Variants in CSMD1 observed in about 807,000 individuals in gnomAD.
CSMD1 encodes the protein CUB and sushi domain-containing protein 1.
CSMD1 carries 213 observed loss-of-function variants against 417.5 expected under a neutral mutation model. That is an observed-to-expected ratio of 0.51 (90% CI 0.46 to 0.57). CSMD1 has a LOEUF of 0.57. CSMD1 is among the 20% of genes least tolerant of loss of function. The probability of loss-of-function intolerance (pLI) is 0.00; values close to 1 mark genes in which losing one functional copy is unlikely to be tolerated. For missense variants in CSMD1, 6,923 were observed against 4,529.7 expected, an observed-to-expected ratio of 1.53 and a Z score of -15.17; for synonymous variants, 2,862 against 1,736.8, an observed-to-expected ratio of 1.65 and a Z score of -16.11.
At chr8:4,296,639 T>TAA in intron 3 of CSMD1, among the ~76,000 whole-genome samples, 1 of 151,128 alleles carries the variant, frequency 6.6e-6, no homozygotes, top group East Asian at 1.9e-4. Flanking sequence ...TAATATTCAC[T>TAA]ATTAACTCGT....
intron 1 of CSMD1, among the ~76,000 whole-genome samples, chr8:4,932,936 G>A (rs1301407628): frequency 1.3e-5 from 2 of 152,058 alleles, no homozygotes; most frequent in Non-Finnish European, 2.9e-5. Context: ...ATTATTATAG[G>A]TACATAACAT....
intron 3 of CSMD1, among the ~76,000 whole-genome samples, chr8:4,305,784 A>G (rs1563423896): frequency 2.0e-5 from 3 of 152,168 alleles, no homozygotes; most frequent in East Asian, 3.9e-4. Flanking sequence ...TCACTTCACA[A>G]AAGTGATTTG....
At chr8:3,548,767 C>A (rs1382092087) in intron 10 of CSMD1, among the ~76,000 whole-genome samples, 1 of 151,506 alleles carries the variant, frequency 6.6e-6, no homozygotes, top group Non-Finnish European at 1.5e-5. Context: ...TAAGCCCGGC[C>A]AAGTTGTTTT....
intron 3 of CSMD1, among the ~76,000 whole-genome samples, chr8:4,249,578 T>G (rs192133472): frequency 6.6e-6 from 1 of 152,274 alleles, no homozygotes; most frequent in Admixed American, 6.5e-5. Context: ...CATCTTAGCT[T>G]GAAGCTGTGT....
At chr8:3,045,452 C>T (rs1437852344) in intron 50 of CSMD1, among the ~76,000 whole-genome samples, 2 of 152,136 alleles carry the variant, frequency 1.3e-5, no homozygotes, top group Non-Finnish European at 1.5e-5. Flanking sequence ...TACATAGGCA[C>T]AAAACCGTTC....
chr8:4,113,191 T>C (rs964474913), intron 3 of CSMD1, among the ~76,000 whole-genome samples: 2 of 152,036 alleles, frequency 1.3e-5, no homozygotes, highest in Admixed American at 6.6e-5. Context: ...CACAACAATA[T>C]TGAAATTCGG....
In CSMD1 at chr8:4,855,721, A is replaced by C. The variant is rs558767114; in HGVS notation, c.85+138611T>G. Among the ~76,000 whole-genome samples, 29 of 152,144 alleles carry C rather than the reference A, an allele frequency of 1.9e-4. No individual in the cohort carries two copies. In the East Asian group the frequency reaches 5.2e-3, roughly 27 times the overall value. On this transcript the variant is annotated intron_variant, in intron 1 of 69. Transcript: ENST00000635120. Reference sequence around the variant, plus strand: ...AGAAGGGAAGTCTAGAGAAAAAAGAATAAAAAGAAATGAGCAAAGCCTCCA... The same window carrying C: ...AGAAGGGAAGTCTAGAGAAAAAAGACTAAAAAGAAATGAGCAAAGCCTCCA...
At chr8:4,667,342 C>T (rs145102076) in intron 1 of CSMD1, among the ~76,000 whole-genome samples, 43 of 151,994 alleles carry the variant, frequency 2.8e-4, no homozygotes, top group Non-Finnish European at 5.9e-4. Flanking sequence ...TCTAGATTCT[C>T]TGCTTTTCTG....
At chr8:3,231,485 G>A (rs574959851) in intron 26 of CSMD1, among the ~76,000 whole-genome samples, 15 of 152,198 alleles carry the variant, frequency 9.9e-5, no homozygotes, top group African/African-American at 3.6e-4. Flanking sequence ...AAATTCTGAA[G>A]CATTTGTGTG....
intron 8 of CSMD1, among the ~76,000 whole-genome samples, chr8:3,599,571 C>G (rs557952640): frequency 2.0e-5 from 3 of 152,226 alleles, no homozygotes; most frequent in Admixed American, 2.0e-4. Flanking sequence ...AACCACAACA[C>G]TGCATTATTA....
intron 41 of CSMD1, chr8:3,127,874 G>C (rs1400346662): frequency 1.4e-5 from 2 of 144,730 alleles, no homozygotes; most frequent in African/African-American, 2.7e-5. Flanking sequence ...GGGAGGGAAG[G>C]AATGAGAGGG....
chr8:3,555,464 G>T (rs1799103910), intron 10 of CSMD1, among the ~76,000 whole-genome samples: 1 of 152,160 alleles, frequency 6.6e-6, no homozygotes, highest in African/African-American at 2.4e-5. Context: ...CAGGTCAGAA[G>T]GTGGAGGTGA....
At chr8:3,899,754 T>C (rs1446749193) in intron 5 of CSMD1, among the ~76,000 whole-genome samples, 1 of 152,148 alleles carries the variant, frequency 6.6e-6, no homozygotes, top group Non-Finnish European at 1.5e-5. Flanking sequence ...AAGGGCTGTA[T>C]GACCAGCTTT....
At chr8:3,678,001 G>T (rs893457231) in intron 7 of CSMD1, among the ~76,000 whole-genome samples, 1 of 152,112 alleles carries the variant, frequency 6.6e-6, no homozygotes, top group Admixed American at 6.6e-5. Flanking sequence ...TCCATCTGGG[G>T]TGTCTGCCTA....
intron 1 of CSMD1, among the ~76,000 whole-genome samples, chr8:4,862,872 A>C (rs1013773757): frequency 1.3e-5 from 2 of 152,074 alleles, no homozygotes; most frequent in African/African-American, 4.8e-5. Flanking sequence ...TTCAGAAGTC[A>C]GGAACATGAG....
intron 3 of CSMD1, among the ~76,000 whole-genome samples, chr8:4,167,321 G>C (rs1356009297): frequency 3.9e-5 from 6 of 152,146 alleles, no homozygotes; most frequent in Non-Finnish European, 7.4e-5. Flanking sequence ...ACGTAACTTA[G>C]AGGTATCTAA....
At chr8:4,340,627 C>T (rs958032086) in intron 3 of CSMD1, among the ~76,000 whole-genome samples, 1 of 152,040 alleles carries the variant, frequency 6.6e-6, no homozygotes, top group African/African-American at 2.4e-5. Flanking sequence ...CCTCCTCTGC[C>T]AATGAGCCAA....
At chr8:3,479,537 C>T (rs984914422) in intron 11 of CSMD1, among the ~76,000 whole-genome samples, 3 of 152,236 alleles carry the variant, frequency 2.0e-5, no homozygotes, top group Non-Finnish European at 4.4e-5. Flanking sequence ...ACCTCGGCCC[C>T]CCAAAGTGCT....
chr8:4,384,088 T>C (rs377062159), intron 3 of CSMD1, among the ~76,000 whole-genome samples: 8 of 152,268 alleles, frequency 5.3e-5, no homozygotes, highest in African/African-American at 1.4e-4. Context: ...TGGAATGGTG[T>C]TCCTGTCACA....
Sources: allele counts gnomAD v4.1 joint callset (sites outside exome capture counted in the v4.1 genomes callset), GRCh38; gene constraint gnomAD v4.1.1; transcripts MANE v1.5; gene names NCBI Gene and HGNC (gene_info 2026-07-23, HGNC 2026-07-21).